FSTL4: variants seen among roughly 807,000 people sequenced by gnomAD.
FSTL4 encodes the protein follistatin-related protein 4.
A neutral mutation model predicts 78.2 loss-of-function variants in FSTL4; 28 were observed. The observed-to-expected ratio is 0.36, with a 90% confidence interval of 0.27 to 0.49. The LOEUF is 0.49. Among genes scored for constraint, FSTL4 ranks in the 20% least tolerant of loss-of-function variants. The pLI is 0.98. For synonymous variants in FSTL4, 422 were observed against 440.5 expected, an observed-to-expected ratio of 0.96 and a Z score of 0.53; for missense variants, 922 against 1,084.9, an observed-to-expected ratio of 0.85 and a Z score of 2.11.
chr5:133,750,376 T>A, the FSTL4 span, among the ~76,000 whole-genome samples: 1 of 152,192 alleles, frequency 6.6e-6, no homozygotes, highest in African/African-American at 2.4e-5. Flanking sequence ...CTGTGCCCAT[T>A]TCCTCACTGC....
chr5:133,316,703 G>A, intron 4 of FSTL4, 51 bp from the exon 5 acceptor site: 1 of 1,478,888 alleles, frequency 6.8e-7, no homozygotes, highest in African/African-American at 1.4e-5. Context: ...GTGGTCTTGA[G>A]AGAACATTCT....
chr5:133,231,910 T>C (rs1019991305), intron 8 of FSTL4, among the ~76,000 whole-genome samples: 7 of 152,188 alleles, frequency 4.6e-5, no homozygotes, highest in African/African-American at 2.4e-5. Context: ...CCGCTGTCTT[T>C]GGGAAACACC....
the FSTL4 span, among the ~76,000 whole-genome samples, chr5:133,636,155 G>C: frequency 1.3e-5 from 2 of 152,298 alleles, no homozygotes; most frequent in South Asian, 2.1e-4. Context: ...ATATTTACTG[G>C]CTTCTGGTTA....
chr5:133,590,515 C>T (rs1213056325), intron 2 of FSTL4, among the ~76,000 whole-genome samples: 1 of 152,066 alleles, frequency 6.6e-6, no homozygotes, highest in Non-Finnish European at 1.5e-5. Flanking sequence ...GGTGGACCTT[C>T]TAAGAAGAGG....
the FSTL4 span, among the ~76,000 whole-genome samples, chr5:133,677,535 C>T: frequency 1.3e-3 from 198 of 152,284 alleles, 6 homozygotes; most frequent in East Asian, 0.034. Context: ...GAGATACTAA[C>T]GGAAGGATAG....
intron 14 of FSTL4, 108 bp downstream of exon 14, chr5:133,210,083 T>C (rs1389684417): frequency 1.4e-5 from 9 of 650,186 alleles, no homozygotes; most frequent in Non-Finnish European, 2.3e-5. Context: ...GGATATATTT[T>C]GGATAAATGT....
chr5:133,521,251 A>G (rs1758975924), intron 3 of FSTL4, among the ~76,000 whole-genome samples: 1 of 152,148 alleles, frequency 6.6e-6, no homozygotes, highest in African/African-American at 2.4e-5. Context: ...CCAGGACCCA[A>G]GCTGGTCCAG....
chr5:133,476,889 C>G (rs1012005804), intron 3 of FSTL4, among the ~76,000 whole-genome samples: 1 of 152,138 alleles, frequency 6.6e-6, no homozygotes, highest in African/African-American at 2.4e-5. Flanking sequence ...GAAGAAGGAT[C>G]AAGCCAATCA....
chr5:133,486,260 C>T (rs1250668134), intron 3 of FSTL4, among the ~76,000 whole-genome samples: 1 of 150,406 alleles, frequency 6.6e-6, no homozygotes, highest in Non-Finnish European at 1.5e-5. Flanking sequence ...GGACAGGGTA[C>T]GAGGGGCGGG....
intron 4 of FSTL4, among the ~76,000 whole-genome samples, chr5:133,385,830 C>CG (rs1755685774): frequency 6.6e-6 from 1 of 152,154 alleles, no homozygotes; most frequent in Non-Finnish European, 1.5e-5. Context: ...GCTAACAACA[C>CG]GGGCACATGT....
chr5:133,787,383 A>G, the FSTL4 span, among the ~76,000 whole-genome samples: 1 of 152,174 alleles, frequency 6.6e-6, no homozygotes, highest in Non-Finnish European at 1.5e-5. Context: ...GGAGATGGAC[A>G]CCAGCACAAG....
intron 6 of FSTL4, among the ~76,000 whole-genome samples, chr5:133,265,932 C>T (rs751424876): frequency 9.2e-5 from 14 of 152,280 alleles, no homozygotes; most frequent in East Asian, 1.9e-4. Flanking sequence ...ACCACCCACA[C>T]GATGGGGGAT....
Position 133,345,499 on chromosome 5 carries a change from T to A in FSTL4, c.410-28847A>T, listed in dbSNP as rs147885013. Among the ~76,000 whole-genome samples the A allele has an allele frequency of 5.6e-3, 847 of 152,356 alleles. 5 individuals are homozygous for A. Among genetic ancestry groups the A allele is most frequent in the African/African-American group, 0.019 (810 of 41,578 alleles). On this transcript the variant is annotated intron_variant, in intron 4 of 15. Transcript: ENST00000265342. ...GTTTTAGTCATGAAGTCTTTGCCCA[T>A]GCCTACATCGTGAATGGTATTGCCT...
intron 4 of FSTL4, among the ~76,000 whole-genome samples, chr5:133,320,659 G>C (rs1318230541): frequency 2.0e-5 from 3 of 152,104 alleles, no homozygotes; most frequent in Non-Finnish European, 4.4e-5. Flanking sequence ...TCCAGCCCTC[G>C]TCTGCTGTGC....
chr5:133,751,166 G>A, the FSTL4 span, among the ~76,000 whole-genome samples: 1 of 152,042 alleles, frequency 6.6e-6, no homozygotes, highest in Non-Finnish European at 1.5e-5. Context: ...TGCCAGTCAT[G>A]CCTGTCCCAA....
chr5:133,580,149 C>T (rs752004060), intron 2 of FSTL4, among the ~76,000 whole-genome samples: 1 of 152,178 alleles, frequency 6.6e-6, no homozygotes, highest in African/African-American at 2.4e-5. Context: ...GATCTTCCTG[C>T]TAGCTAGTGT....
Position 133,201,872 on chromosome 5 carries a change from G to T in FSTL4, c.1826+61C>A. On this transcript the variant is annotated intron_variant, in intron 15 of 15. Transcript: ENST00000265342. ...AGCAGGTCCCATGCTGGGCAATGCT[G>T]CCCCTTGCAGGGCTGAGCTGGAGCG... 3 of 939,512 alleles carry T rather than the reference G, an allele frequency of 3.2e-6. No individual in the cohort carries two copies. The South Asian group carries it at 5.0e-5, about 16-fold the overall frequency. The allele number at this position is 939,512 out of a possible 1,614,324, so 58.2% of individuals were successfully genotyped here.
chr5:133,632,382 T>C, the FSTL4 span, among the ~76,000 whole-genome samples: 6 of 152,214 alleles, frequency 3.9e-5, no homozygotes, highest in African/African-American at 1.4e-4. Flanking sequence ...GGAAAATCTG[T>C]TGCATTTACC....
At chr5:133,661,716 A>T in the FSTL4 span, among the ~76,000 whole-genome samples, 1 of 152,220 alleles carries the variant, frequency 6.6e-6, no homozygotes, top group Non-Finnish European at 1.5e-5. Flanking sequence ...AATCTACAGT[A>T]TCTCATAATC....
Sources: allele counts gnomAD v4.1 joint callset (sites outside exome capture counted in the v4.1 genomes callset), GRCh38; gene constraint gnomAD v4.1.1; transcripts MANE v1.5; gene names NCBI Gene and HGNC (gene_info 2026-07-23, HGNC 2026-07-21).